ITPR1: variants seen among roughly 807,000 people sequenced by gnomAD.
The protein encoded by ITPR1 is inositol 1,4,5-trisphosphate-gated calcium channel ITPR1.
Under a neutral mutation model 318.4 loss-of-function variants are expected in ITPR1, and 96 were observed. The ratio of observed to expected loss-of-function variants is 0.30; its 90% confidence interval spans 0.26 to 0.36. The LOEUF (loss-of-function observed/expected upper bound fraction) is 0.36, where lower values mean the gene tolerates loss of function less well. Among genes scored for constraint, ITPR1 ranks in the 10% least tolerant of loss-of-function variants. The pLI is 1.00. For missense variants in ITPR1, 2,440 were observed against 3,460.2 expected (o/e 0.71, Z 7.40); for synonymous variants, 1,312 against 1,289.9 (o/e 1.02, Z -0.37).
intron 53 of ITPR1, among the ~76,000 whole-genome samples, chr3:4,799,315 T>G (rs1162926581): frequency 1.3e-5 from 2 of 152,272 alleles, no homozygotes; most frequent in African/African-American, 4.8e-5. Context: ...TTCTTGAATT[T>G]CTGAGAAACC....
chr3:4,735,252 T>C lies in ITPR1; in HGVS notation c.5442T>C (p.Asn1814=). ...ACCTTGACAAGGAGGGGGCTTCCAA[T>C]CTAGTTATCGACCTCATCATGAACG... ...QCHLDKEGAS[N]LVIDLIMNAS... Residue 1814 remains asparagine, a synonymous_variant, in exon 44 of 62, where the codon AAT becomes AAC. Transcript: ENST00000649015. The C allele has an allele frequency of 6.2e-7, 1 of 1,613,918 alleles. No homozygotes were observed. The highest frequency in any genetic ancestry group is 8.5e-7 in the Non-Finnish European group (1 of 1,179,824).
chr3:4,505,765 C>T (rs138161296), intron 2 of ITPR1, among the ~76,000 whole-genome samples: 308 of 152,288 alleles, frequency 2.0e-3, no homozygotes, highest in African/African-American at 7.0e-3. Flanking sequence ...CTGGCATTCA[C>T]TCCTCACCTG....
chr3:4,639,337 A>G (rs2093281833), intron 5 of ITPR1, 47 bp from the exon 6 acceptor site: 1 of 1,405,762 alleles, frequency 7.1e-7, no homozygotes, highest in Non-Finnish European at 9.9e-7. Context: ...AGTGGGATAG[A>G]ACACATGGTT....
chr3:4,674,350 C>T lies in ITPR1; in HGVS notation c.2598+7C>T. On this transcript the variant is annotated splice_region_variant and intron_variant, in intron 22 of 61. Transcript: ENST00000649015. ...GAATAAGCTTACGTTTGAGGTAACT[C>T]ATGATGAAATCTTCTATGTGTATTA... The T allele has an allele frequency of 1.9e-6, 3 of 1,601,048 alleles. No individual in the cohort carries two copies. Among genetic ancestry groups the T allele is most frequent in the South Asian group, 1.1e-5 (1 of 88,188 alleles).
At chr3:4,559,767 C>G (rs1052556729) in intron 4 of ITPR1, among the ~76,000 whole-genome samples, 1 of 152,186 alleles carries the variant, frequency 6.6e-6, no homozygotes, top group Non-Finnish European at 1.5e-5. Context: ...ATAATCCACA[C>G]AAGGAACCTG....
chr3:4,829,954 GTT>G (rs35099159), intron 60 of ITPR1, among the ~76,000 whole-genome samples: 1,142 of 27,168 alleles, frequency 0.042, 49 homozygotes, highest in African/African-American at 0.091. Context: ...ATGTATAACA[GTT>G]TTTTTTTTTT....
intron 44 of ITPR1, chr3:4,750,709 A>C (rs1575117528): frequency 2.1e-5 from 3 of 141,118 alleles, no homozygotes; most frequent in East Asian, 2.1e-4. Context: ...CCCTTCCCTG[A>C]CTCCTTCCTT....
intron 44 of ITPR1, among the ~76,000 whole-genome samples, chr3:4,736,241 T>C (rs966441506): frequency 1.3e-5 from 2 of 152,218 alleles, no homozygotes; most frequent in Non-Finnish European, 2.9e-5. Context: ...ATCCACATAC[T>C]GTAAAATTCA....
Position 4,681,569 on chromosome 3 carries a change from T to A in ITPR1, c.3161+151T>A, listed in dbSNP as rs2094298704. The stretch of plus-strand genomic sequence containing the variant: ...GAACTGTTAGTACTCAAGTCAGAGT[T>A]AACTTGGTTGGCTTGATTGGGAGGA... On this transcript the variant is annotated intron_variant, in intron 26 of 61. Coordinates refer to ENST00000649015, the MANE Select transcript of ITPR1 (RefSeq NM_001378452.1). 4 of 635,594 alleles carry A rather than the reference T, an allele frequency of 6.3e-6. No homozygotes were observed. In the South Asian group the frequency reaches 7.2e-5, roughly 11 times the overall value. The allele number at this position is 635,594 out of a possible 1,614,324, so 39.4% of individuals were successfully genotyped here. A position where few individuals can be genotyped will look rare whatever the true frequency, so the allele number is the denominator to read the frequency against.
chr3:4,497,290 G>T (rs2080664686), intron 2 of ITPR1, among the ~76,000 whole-genome samples: 1 of 151,866 alleles, frequency 6.6e-6, no homozygotes. Flanking sequence ...TAAGGCACAT[G>T]GTGTGGTAAA....
intron 4 of ITPR1, among the ~76,000 whole-genome samples, chr3:4,574,598 C>T (rs370191812): frequency 1.5e-4 from 23 of 152,212 alleles, no homozygotes; most frequent in Middle Eastern, 3.2e-3. Context: ...TCATGTATAA[C>T]GGCTTTGTTT....
At chr3:4,569,518 T>C (rs759595743) in intron 4 of ITPR1, among the ~76,000 whole-genome samples, 3 of 152,214 alleles carry the variant, frequency 2.0e-5, no homozygotes, top group Non-Finnish European at 2.9e-5. Flanking sequence ...TTGCTGATTC[T>C]CTGTGTTGGC....
chr3:4,509,777 A>G (rs1020179289), intron 2 of ITPR1, among the ~76,000 whole-genome samples: 1 of 152,208 alleles, frequency 6.6e-6, no homozygotes, highest in African/African-American at 2.4e-5. Flanking sequence ...AGCCTGGGTG[A>G]CAGAGTGAGA....
intron 44 of ITPR1, 107 bp from the exon 45 acceptor site, chr3:4,766,423 G>A (rs138486252): frequency 1.3e-4 from 104 of 830,908 alleles, no homozygotes; most frequent in African/African-American, 1.2e-3. Context: ...TAGATCATGC[G>A]TGAGGTTTTG....
At position 4,583,342 on chromosome 3, in the gene ITPR1, C is replaced by CT. The variant is rs796888775; in HGVS notation, c.164-44411dup. On this transcript the variant is annotated intron_variant, in intron 4 of 61. Coordinates refer to ENST00000649015, the MANE Select transcript of ITPR1 (RefSeq NM_001378452.1). ...AAAAAAGTTAGCGTTTTTTCACTAA[C>CT]TTTTTTTTTTCTCACTAATCATAGC... Among the ~76,000 whole-genome samples, 46 of 150,496 alleles carry CT rather than the reference C, an allele frequency of 3.1e-4. 1 individual carries two copies. The highest frequency in any genetic ancestry group is 1.0e-3 in the African/African-American group (41 of 41,024).
In ITPR1 at chr3:4,768,516, G is replaced by C; in HGVS notation, c.5731G>C (p.Glu1911Gln). 1 of 1,603,038 alleles carries C rather than the reference G, an allele frequency of 6.2e-7. No individual in the cohort carries two copies. The highest frequency in any genetic ancestry group is 8.5e-7 in the Non-Finnish European group (1 of 1,172,106). The change falls in exon 46 of 62, where the codon GAG (glutamate) becomes CAG (glutamine). Residue 1911 changes from glutamate to glutamine, a missense_variant. Physicochemically the swap from Glu to Gln is conservative, Grantham distance 29 (BLOSUM62 2). Coordinates refer to ENST00000649015, the MANE Select transcript of ITPR1 (RefSeq NM_001378452.1). ...RDAPSRKKAK[E>Q]PTTQITEEVR... ...GCCTTATGCTTGCTTTCTAGCTAAAGAGCCCACAACACAGATAACAGAAGA... is the reference window on the plus strand; with the variant it reads ...GCCTTATGCTTGCTTTCTAGCTAAACAGCCCACAACACAGATAACAGAAGA...
At position 4,608,213 on chromosome 3, in the gene ITPR1, G is replaced by A. The variant is rs561049092; in HGVS notation, c.164-19550G>A. On this transcript the variant is annotated intron_variant, in intron 4 of 61. Coordinates refer to ENST00000649015, the MANE Select transcript of ITPR1 (RefSeq NM_001378452.1). ...CCTGGCAATTATGATTTACTCCGAA[G>A]TTTGATTTACTCCAGAATCCTCTGG... Among the ~76,000 whole-genome samples, 73 of 152,212 alleles carry A rather than the reference G, an allele frequency of 4.8e-4. 1 individual carries two copies. Among genetic ancestry groups the A allele is most frequent in the Non-Finnish European group, 7.9e-4 (54 of 68,004 alleles).
intron 42 of ITPR1, among the ~76,000 whole-genome samples, chr3:4,732,190 C>T (rs1263362929): frequency 6.6e-6 from 1 of 152,064 alleles, no homozygotes; most frequent in Non-Finnish European, 1.5e-5. Context: ...TGCCAGTATC[C>T]CCCAGTATTA....
At chr3:4,501,236 A>C (rs2081000604) in intron 2 of ITPR1, among the ~76,000 whole-genome samples, 1 of 152,094 alleles carries the variant, frequency 6.6e-6, no homozygotes, top group South Asian at 2.1e-4. Flanking sequence ...CTTAAAAAGA[A>C]CTGTGTATGT....
Sources: gnomAD v4.1 joint callset for allele counts (sites outside exome capture counted in the v4.1 genomes callset) on GRCh38, gnomAD v4.1.1 for gene constraint, MANE v1.5 for transcripts, NCBI Gene and HGNC (gene_info 2026-07-23, HGNC 2026-07-21) for gene names.